Variants in GLIS3 observed in about 807,000 individuals in gnomAD.
GLIS3 encodes the protein GLIS family zinc finger 3.
GLIS3 carries 53 observed loss-of-function variants against 78.6 expected under a neutral mutation model. That is an observed-to-expected ratio of 0.67 (90% CI 0.54 to 0.85). The LOEUF (loss-of-function observed/expected upper bound fraction) is 0.85. GLIS3 is among the 40% of genes least tolerant of loss of function. The pLI, the probability that GLIS3 is intolerant of heterozygous loss-of-function variation, is 0.00. For missense variants in GLIS3, 1,703 were observed against 1,231.1 expected, an observed-to-expected ratio of 1.38 and a Z score of -5.74; for synonymous variants, 684 against 509.9, an observed-to-expected ratio of 1.34 and a Z score of -4.60.
At chr9:4,223,859 C>T (rs1244799809) in intron 2 of GLIS3, among the ~76,000 whole-genome samples, 2 of 152,060 alleles carry the variant, frequency 1.3e-5, no homozygotes, top group African/African-American at 4.8e-5. Context: ...GTCGGGAATT[C>T]TACATGTGAA....
chr9:4,296,944 C>T (rs1219139393), intron 1 of GLIS3, among the ~76,000 whole-genome samples: 1 of 150,012 alleles, frequency 6.7e-6, no homozygotes, highest in Non-Finnish European at 1.5e-5. Context: ...TAATCTAACA[C>T]TCTCCTGTCT....
chr9:4,077,715 G>A (rs1828199983), intron 4 of GLIS3, among the ~76,000 whole-genome samples: 1 of 152,154 alleles, frequency 6.6e-6, no homozygotes, highest in African/African-American at 2.4e-5. Context: ...GTGAAGGAAA[G>A]AGAAAGGGCG....
At chr9:4,419,269 A>G in the GLIS3 span, among the ~76,000 whole-genome samples, 46,894 of 152,064 alleles carry the variant, frequency 0.31, 7,364 homozygotes, top group South Asian at 0.36. Context: ...AAAAAGCACG[A>G]GCCACAGTGT....
rs144394203 is a variant in GLIS3, at chr9:4,062,830, G to A, written c.1710+54938C>T. Among the ~76,000 whole-genome samples, 1,426 of 152,156 alleles carry A rather than the reference G, an allele frequency of 9.4e-3. 20 individuals carry two copies. Among genetic ancestry groups the A allele is most frequent in the African/African-American group, 0.033 (1,352 of 41,496 alleles). On this transcript the variant is annotated intron_variant, in intron 4 of 10. Transcript: ENST00000381971. ...TGTAGTCCCAGCTACTTGGGAGGCT[G>A]AGGCAGGAGAATGGCATGAACCCAG...
At chr9:4,264,223 T>C (rs1380802183) in intron 2 of GLIS3, among the ~76,000 whole-genome samples, 1 of 152,196 alleles carries the variant, frequency 6.6e-6, no homozygotes, top group African/African-American at 2.4e-5. Context: ...CACTGATTCT[T>C]CTGTTTCTTA....
chr9:4,118,310 G>T lies in GLIS3; in HGVS notation c.1168C>A (p.Leu390Met). Residue 390 changes from leucine (L) to methionine (M), a missense_variant, in exon 4 of 11, where the codon CTG becomes ATG. Leu to Met is a conservative substitution (Grantham distance 15). Transcript: ENST00000381971. This position sits in a 1 kb window ranked among gnomAD's most constrained non-coding sequence, Gnocchi z 4.7. Reference sequence around the variant, plus strand: ...AGCTGTTGCATGCGCTCGTGCTCCAGGGCCCCGTCCTCGCCGTAGGCCGGC... The same window carrying T: ...AGCTGTTGCATGCGCTCGTGCTCCATGGCCCCGTCCTCGCCGTAGGCCGGC... The part of the protein sequence containing the change: ...ALPAYGEDGA[L>M]EHERMQQLEH... The T allele has an allele frequency of 6.3e-7, 1 of 1,576,396 alleles. No individual in the cohort carries two copies. Among genetic ancestry groups the T allele is most frequent in the Non-Finnish European group, 8.6e-7 (1 of 1,163,478 alleles).
upstream of GLIS3, among the ~76,000 whole-genome samples, chr9:4,300,682 G>T (rs1001373134): frequency 1.3e-5 from 2 of 151,828 alleles, no homozygotes; most frequent in Non-Finnish European, 2.9e-5. Flanking sequence ...TTATCCTTAT[G>T]AATTCAACAT....
At chr9:3,833,511 G>T (rs1172724812) in intron 9 of GLIS3, among the ~76,000 whole-genome samples, 1 of 151,342 alleles carries the variant, frequency 6.6e-6, no homozygotes, top group African/African-American at 2.4e-5. Flanking sequence ...GAGGCAAGAT[G>T]TTAACACATT....
At chr9:4,424,095 A>G in the GLIS3 span, among the ~76,000 whole-genome samples, 2 of 152,262 alleles carry the variant, frequency 1.3e-5, no homozygotes, top group African/African-American at 2.4e-5. Flanking sequence ...TTCAATTACA[A>G]GAAAACTCCC....
At chr9:4,264,747 C>G (rs370472546) in intron 2 of GLIS3, among the ~76,000 whole-genome samples, 1 of 152,134 alleles carries the variant, frequency 6.6e-6, no homozygotes, top group Non-Finnish European at 1.5e-5. Flanking sequence ...CACTTATTAA[C>G]CCCCAAGAAA....
intron 2 of GLIS3, among the ~76,000 whole-genome samples, chr9:4,319,238 C>T (rs965275453): frequency 1.3e-4 from 20 of 152,070 alleles, no homozygotes; most frequent in Admixed American, 5.2e-4. Flanking sequence ...GATCATCATA[C>T]TGTGGTTATG....
chr9:3,973,866 T>G (rs1348063161), intron 4 of GLIS3, among the ~76,000 whole-genome samples: 1 of 152,176 alleles, frequency 6.6e-6, no homozygotes, highest in African/African-American at 2.4e-5. Context: ...ATCTTATTTT[T>G]GTAAAACTTT....
intron 2 of GLIS3, among the ~76,000 whole-genome samples, chr9:4,321,200 C>T (rs1463295056): frequency 1.3e-5 from 2 of 149,204 alleles, no homozygotes; most frequent in African/African-American, 2.5e-5. Context: ...GCGGGCGGAT[C>T]ACAAGGTCAG....
At chr9:4,101,213 C>T (rs1024427537) in intron 4 of GLIS3, among the ~76,000 whole-genome samples, 1 of 152,168 alleles carries the variant, frequency 6.6e-6, no homozygotes, top group African/African-American at 2.4e-5. Context: ...ACCATCTTTT[C>T]TACTGCAACG....
At chr9:4,275,684 G>A (rs1048861879) in intron 2 of GLIS3, among the ~76,000 whole-genome samples, 4 of 151,864 alleles carry the variant, frequency 2.6e-5, no homozygotes, top group African/African-American at 9.7e-5. Context: ...GATCACTTGA[G>A]CCCAGCAGTT....
chr9:4,490,271 A>G, the GLIS3 span, among the ~76,000 whole-genome samples: 5 of 152,344 alleles, frequency 3.3e-5, no homozygotes, highest in East Asian at 5.8e-4. Flanking sequence ...GGCGGGACTC[A>G]GGGTTCCCGG....
chr9:4,160,915 C>G (rs1835420281), intron 2 of GLIS3, among the ~76,000 whole-genome samples: 1 of 151,944 alleles, frequency 6.6e-6, no homozygotes, highest in Non-Finnish European at 1.5e-5. Flanking sequence ...TCACTGCAGT[C>G]TAGAGGATAC....
chr9:4,137,638 G>T (rs540639248), intron 2 of GLIS3, among the ~76,000 whole-genome samples: 1 of 152,226 alleles, frequency 6.6e-6, no homozygotes, highest in East Asian at 1.9e-4. Context: ...AGGATGCAAA[G>T]ATAAATTAAG....
At chr9:3,837,376 T>C (rs1386188938) in intron 9 of GLIS3, among the ~76,000 whole-genome samples, 1 of 152,238 alleles carries the variant, frequency 6.6e-6, no homozygotes, top group African/African-American at 2.4e-5. Flanking sequence ...CTTGCAAAAC[T>C]AAACATATGC....
Sources: allele counts gnomAD v4.1 joint callset (sites outside exome capture counted in the v4.1 genomes callset), GRCh38; gene constraint gnomAD v4.1.1; non-coding constraint Gnocchi (gnomAD v3.1); transcripts MANE v1.5; gene names NCBI Gene and HGNC (gene_info 2026-07-23, HGNC 2026-07-21).